The following BTG4 variants were observed in gnomAD, a reference collection of about 807,000 sequenced individuals.
BTG4 encodes the protein protein BTG4.
A neutral mutation model predicts 19.3 loss-of-function variants in BTG4; 10 were observed. The observed-to-expected ratio is 0.52, with a 90% CI of 0.32 to 0.88. BTG4 has a LOEUF of 0.88. Among genes scored for constraint, BTG4 ranks in the 40% least tolerant of loss-of-function variants. BTG4 has a pLI of 0.04. For synonymous variants in BTG4, 91 were observed against 95.7 expected (o/e 0.95, Z 0.29); for missense variants, 238 against 281.9 (o/e 0.84, Z 1.11).
the BTG4 span, among the ~76,000 whole-genome samples, chr11:111,421,700 G>A: frequency 6.6e-6 from 1 of 152,172 alleles, no homozygotes; most frequent in Non-Finnish European, 1.5e-5. Flanking sequence ...AGATCACAAG[G>A]TCAGGAGTTC....
At chr11:111,510,285 A>C (rs925955993) in intron 1 of BTG4, among the ~76,000 whole-genome samples, 1 of 152,068 alleles carries the variant, frequency 6.6e-6, no homozygotes, top group African/African-American at 2.4e-5. Context: ...AGTCAATATA[A>C]ATGTGCCAAA....
chr11:111,514,254 T>A (rs1266920596), upstream of BTG4: 1 of 159,446 alleles, frequency 6.3e-6, no homozygotes, highest in Admixed American at 5.9e-5. Flanking sequence ...ATTTAAAGGA[T>A]TCAGAATTTT....
chr11:111,421,032 A>G, the BTG4 span, among the ~76,000 whole-genome samples: 140,157 of 152,220 alleles, frequency 0.92, 64,871 homozygotes, highest in East Asian at 1. Flanking sequence ...AGGGATGGGA[A>G]AGAACATGCC....
chr11:111,476,135 T>TACACACAC (rs55989357), intron 5 of BTG4, among the ~76,000 whole-genome samples: 73,406 of 148,580 alleles, frequency 0.49, 20,692 homozygotes, highest in South Asian at 0.66. Context: ...CCAGAATAGA[T>TACACACAC]ACACACACAC....
At chr11:111,458,951 G>A in the BTG4 span, among the ~76,000 whole-genome samples, 242 of 152,222 alleles carry the variant, frequency 1.6e-3, 1 homozygote, top group South Asian at 0.019. Flanking sequence ...GAGTAAAATC[G>A]TGCATACTGG....
At chr11:111,441,120 T>C in the BTG4 span, among the ~76,000 whole-genome samples, 59 of 151,658 alleles carry the variant, frequency 3.9e-4, 1 homozygote, top group Admixed American at 1.3e-3. Flanking sequence ...CTTTTCTTTT[T>C]TTTTTTTTTC....
chr11:111,404,808 A>G, the BTG4 span: 11 of 373,408 alleles, frequency 2.9e-5, no homozygotes, highest in Non-Finnish European at 4.2e-5. Flanking sequence ...ATGGTATACA[A>G]TTAGCAGCAT....
At chr11:111,454,175 T>C in the BTG4 span, 1 of 415,700 alleles carries the variant, frequency 2.4e-6, no homozygotes, top group Non-Finnish European at 4.7e-6. Flanking sequence ...ATGGAAGATC[T>C]GTAGGGAAGC....
chr11:111,481,519 C>A (rs538958806), intron 5 of BTG4, among the ~76,000 whole-genome samples: 5 of 151,388 alleles, frequency 3.3e-5, no homozygotes, highest in Admixed American at 3.3e-4. Context: ...AAAGATAGTA[C>A]AAAAAATTAG....
intron 2 of BTG4, 126 bp from the exon 3 acceptor site, chr11:111,498,261 C>A: frequency 1.0e-6 from 1 of 955,694 alleles, no homozygotes; most frequent in East Asian, 2.4e-5. Flanking sequence ...TTCCCCTCAG[C>A]CTCCTCCACC....
At chr11:111,426,531 A>G in the BTG4 span, among the ~76,000 whole-genome samples, 1 of 152,104 alleles carries the variant, frequency 6.6e-6, no homozygotes, top group Non-Finnish European at 1.5e-5. Context: ...AGGTGTTTCA[A>G]TCTGTAGTGT....
At chr11:111,390,193 G>A in the BTG4 span, among the ~76,000 whole-genome samples, 1 of 152,150 alleles carries the variant, frequency 6.6e-6, no homozygotes, top group Non-Finnish European at 1.5e-5. Flanking sequence ...AGAAAGTTAA[G>A]TCCCAAACAG....
chr11:111,490,646 C>T (rs1400602814), downstream of BTG4, among the ~76,000 whole-genome samples: 1 of 152,110 alleles, frequency 6.6e-6, no homozygotes, highest in Non-Finnish European at 1.5e-5. Context: ...TATTCAGATG[C>T]CAAATGAGCA....
At chr11:111,427,612 G>T in the BTG4 span, among the ~76,000 whole-genome samples, 1 of 152,182 alleles carries the variant, frequency 6.6e-6, no homozygotes, top group Non-Finnish European at 1.5e-5. Context: ...CCTGAGAAAC[G>T]TGAGAAGAGG....
chr11:111,450,883 C>T, the BTG4 span: 1 of 153,996 alleles, frequency 6.5e-6, no homozygotes, highest in Non-Finnish European at 1.5e-5. Context: ...CCCTCCTATC[C>T]CTCCCCTACC....
At chr11:111,481,839 A>T (rs79830567) in intron 5 of BTG4, among the ~76,000 whole-genome samples, 3 of 151,924 alleles carry the variant, frequency 2.0e-5, no homozygotes, top group Non-Finnish European at 4.4e-5. Context: ...TGATTTTTTT[A>T]AAAGGTAGTA....
upstream of BTG4, chr11:111,512,932 T>A: frequency 2.2e-6 from 1 of 445,174 alleles, no homozygotes; most frequent in Non-Finnish European, 4.6e-6. Flanking sequence ...CAGCCGCGGG[T>A]GCCCGGTGCT....
chr11:111,508,078 C>T (rs1304372839), intron 1 of BTG4, among the ~76,000 whole-genome samples: 1 of 152,182 alleles, frequency 6.6e-6, no homozygotes, highest in Non-Finnish European at 1.5e-5. Context: ...GATTTTCCCC[C>T]TCAACACCTC....
chr11:111,413,058 G>C, the BTG4 span, among the ~76,000 whole-genome samples: 1 of 152,196 alleles, frequency 6.6e-6, no homozygotes, highest in African/African-American at 2.4e-5. Context: ...AGAGTCAGAG[G>C]CCACTGGGGT....
Sources: gnomAD v4.1 joint callset for allele counts (sites outside exome capture counted in the v4.1 genomes callset) on GRCh38, gnomAD v4.1.1 for gene constraint, MANE v1.5 for transcripts, NCBI Gene and HGNC (gene_info 2026-07-23, HGNC 2026-07-21) for gene names.